Variants in SFXN4 observed in about 807,000 individuals in gnomAD.
SFXN4 encodes sideroflexin-4.
In SFXN4, 48 loss-of-function variants were observed where a neutral mutation model predicts 54.6. The observed-to-expected ratio is 0.88, with a 90% CI of 0.70 to 1.12. SFXN4 has a LOEUF of 1.12. Ranked by LOEUF, SFXN4 falls within the 50% of genes most tolerant of loss-of-function variation. The pLI is 0.00. For synonymous variants in SFXN4, 130 were observed against 145.5 expected, an observed-to-expected ratio of 0.89 and a Z score of 0.77; for missense variants, 383 against 409.2, an observed-to-expected ratio of 0.94 and a Z score of 0.55.
chr10:119,164,011 TC>T, intron 2 of SFXN4, 119 bp downstream of exon 2: 1 of 663,704 alleles, frequency 1.5e-6, no homozygotes, highest in Non-Finnish European at 2.5e-6. Context: ...CTGCACTCCA[TC>T]CTGGGCAAGA....
intron 3 of SFXN4, chr10:119,162,059 C>T: frequency 2.3e-6 from 1 of 441,430 alleles, no homozygotes; most frequent in Non-Finnish European, 4.0e-6. Flanking sequence ...GCAGGGAATC[C>T]CCACAAATAT....
At chr10:119,160,809 A>G (rs766396617) in intron 5 of SFXN4, 106 bp downstream of exon 5, 9 of 1,130,704 alleles carry the variant, frequency 8.0e-6, no homozygotes, top group Middle Eastern at 2.2e-4. Flanking sequence ...CATGTTGGCC[A>G]GGCTGGTCTC....
chr10:119,145,479 T>A (rs548830095), intron 13 of SFXN4, among the ~76,000 whole-genome samples: 97 of 152,120 alleles, frequency 6.4e-4, no homozygotes, highest in Non-Finnish European at 1.2e-3. Context: ...AATTTTTGTA[T>A]TTTTAGTAGA....
intron 9 of SFXN4, 70 bp from the exon 10 acceptor site, chr10:119,156,826 A>C (rs1288545907): frequency 8.4e-7 from 1 of 1,191,254 alleles, no homozygotes; most frequent in African/African-American, 1.5e-5. Flanking sequence ...TCACTAGCAG[A>C]GAGGTCGCCC....
Position 119,145,643 on chromosome 10 carries a change from T to C in SFXN4, c.936+593A>G, listed in dbSNP as rs866748582. On this transcript the variant is annotated intron_variant, in intron 13 of 13. Coordinates refer to ENST00000355697, the MANE Select transcript of SFXN4 (RefSeq NM_213649.2). ...ACGTTCTATTTTCTCTAGTTTATTG[T>C]AGGAATACAGTATACAACACATATA... 6.6e-4 allele frequency among the ~76,000 whole-genome samples: 101 copies of C among 152,032 alleles called. 1 individual carries two copies. Among genetic ancestry groups the C allele is most frequent in the African/African-American group, 2.4e-3 (100 of 41,388 alleles).
chr10:119,157,638 G>C, intron 9 of SFXN4, 30 bp downstream of exon 9: 1 of 1,521,824 alleles, frequency 6.6e-7, no homozygotes, highest in Non-Finnish European at 8.9e-7. Flanking sequence ...GAGGAATAAA[G>C]AAGATTTGAC....
intron 11 of SFXN4, among the ~76,000 whole-genome samples, chr10:119,153,059 G>A (rs1014235776): frequency 6.6e-6 from 1 of 152,112 alleles, no homozygotes; most frequent in African/African-American, 2.4e-5. Flanking sequence ...AAAGACCATA[G>A]ACTATACCAG....
Position 119,158,080 on chromosome 10 carries a change from G to A in SFXN4, c.361-18C>T. On this transcript the variant is annotated intron_variant, in intron 6 of 13. Transcript: ENST00000355697. ...AAAAATACCTTTTAAGAAGACAGTG[G>A]AACAGAGTTACAAGTGTTGCTGTGG... The A allele has an allele frequency of 1.2e-6, 2 of 1,612,014 alleles. No individual in the cohort carries two copies. The highest frequency in any genetic ancestry group is 1.1e-5 in the South Asian group (1 of 91,016).
chr10:119,152,216 T>A (rs1033419048), intron 11 of SFXN4, among the ~76,000 whole-genome samples: 18 of 114,168 alleles, frequency 1.6e-4, no homozygotes, highest in African/African-American at 5.8e-4. Context: ...TTTGAAAAAA[T>A]GTCTCTTTCG....
At chr10:119,160,733 C>A (rs1299385687) in intron 5 of SFXN4, among the ~76,000 whole-genome samples, 182 bp downstream of exon 5, 1 of 151,754 alleles carries the variant, frequency 6.6e-6, no homozygotes, top group African/African-American at 2.4e-5. Flanking sequence ...GTAACTGGGA[C>A]TACAGGCACG....
chr10:119,156,282 G>C (rs1249003412), intron 10 of SFXN4, among the ~76,000 whole-genome samples: 1 of 152,142 alleles, frequency 6.6e-6, no homozygotes, highest in African/African-American at 2.4e-5. Flanking sequence ...AAAACAATTA[G>C]CTGGACATGG....
chr10:119,157,486 A>T (rs1188898080), intron 9 of SFXN4, among the ~76,000 whole-genome samples, 182 bp downstream of exon 9: 1 of 152,070 alleles, frequency 6.6e-6, no homozygotes, highest in Non-Finnish European at 1.5e-5. Context: ...TACCATGTAT[A>T]TGCTTAGAAA....
intron 2 of SFXN4, among the ~76,000 whole-genome samples, chr10:119,163,786 T>C (rs1427861151): frequency 1.3e-5 from 2 of 152,060 alleles, no homozygotes; most frequent in African/African-American, 2.4e-5. Flanking sequence ...GATTCTGTTA[T>C]TTCAACTGCT....
At chr10:119,152,623 ATC>A (rs1219633378) in intron 11 of SFXN4, among the ~76,000 whole-genome samples, 1 of 151,996 alleles carries the variant, frequency 6.6e-6, no homozygotes, top group Non-Finnish European at 1.5e-5. Context: ...TAATTATTTT[ATC>A]TCTGTCATAA....
intron 9 of SFXN4, 73 bp from the exon 10 acceptor site, chr10:119,156,829 G>C: frequency 1.7e-6 from 2 of 1,153,754 alleles, no homozygotes; most frequent in Non-Finnish European, 2.5e-6. Context: ...CTAGCAGAGA[G>C]GTCGCCCTGA....
intron 13 of SFXN4, 76 bp from the exon 14 acceptor site, chr10:119,141,395 T>A: frequency 1.1e-6 from 1 of 870,116 alleles, no homozygotes; most frequent in Non-Finnish European, 1.8e-6. Flanking sequence ...AAAAATCATT[T>A]TCTGAAAGCA....
rs79995184 is a variant in SFXN4, at chr10:119,150,696, G to C, written c.733-2836C>G. 2.1e-3 allele frequency among the ~76,000 whole-genome samples: 321 copies of C among 151,954 alleles called. 5 individuals carry two copies. Among genetic ancestry groups the C allele is most frequent in the Admixed American group, 0.015 (221 of 15,220 alleles). On this transcript the variant is annotated intron_variant, in intron 11 of 13. Coordinates refer to ENST00000355697, the MANE Select transcript of SFXN4 (RefSeq NM_213649.2). ...TAAATAAATGAATAAATAAATAAAC[G>C]AACTTAAAAAAATGTGCTCTCACTC...
intron 11 of SFXN4, among the ~76,000 whole-genome samples, chr10:119,153,402 CAAAAA>C (rs34129853): frequency 1.0e-5 from 1 of 98,384 alleles, no homozygotes; most frequent in African/African-American, 4.3e-5. Context: ...GACCCTGTCT[CAAAAA>C]AAAAAAAAAG....
At chr10:119,162,227 AAG>A in intron 3 of SFXN4, 111 bp downstream of exon 3, 2 of 811,074 alleles carry the variant, frequency 2.5e-6, no homozygotes, top group Non-Finnish European at 4.1e-6. Flanking sequence ...GGAAGGAAAA[AAG>A]AAAGAAAAGA....
Sources: allele counts gnomAD v4.1 joint callset (sites outside exome capture counted in the v4.1 genomes callset), GRCh38; gene constraint gnomAD v4.1.1; transcripts MANE v1.5; gene names NCBI Gene and HGNC (gene_info 2026-07-23, HGNC 2026-07-21).